The following FBXO10 variants were observed in gnomAD, a reference collection of about 807,000 sequenced individuals.
The protein encoded by FBXO10 is F-box protein 10.
In FBXO10, 39 loss-of-function variants were observed where a neutral mutation model predicts 80.7. The observed-to-expected ratio is 0.48, with a 90% confidence interval of 0.37 to 0.63. The LOEUF is 0.63. Ranked by LOEUF, FBXO10 falls within the 30% of genes least tolerant of loss-of-function variation. The probability of loss-of-function intolerance (pLI) is 0.00; values close to 1 mark genes in which losing one functional copy is unlikely to be tolerated. For synonymous variants in FBXO10, 449 were observed against 489.6 expected, an observed-to-expected ratio of 0.92 and a Z score of 1.09; for missense variants, 1,025 against 1,269.0, an observed-to-expected ratio of 0.81 and a Z score of 2.92.
intron 7 of FBXO10, chr9:37,522,229 C>T: frequency 1.8e-6 from 1 of 558,510 alleles, no homozygotes; most frequent in Non-Finnish European, 2.3e-6. Context: ...GGTTACCAGA[C>T]CTCTCTCTGT....
At chr9:37,560,870 C>A (rs893918058) in intron 1 of FBXO10, among the ~76,000 whole-genome samples, 1 of 152,068 alleles carries the variant, frequency 6.6e-6, no homozygotes, top group African/African-American at 2.4e-5. Flanking sequence ...TTGCTGGGCG[C>A]GGTGGCTCAT....
intron 1 of FBXO10, among the ~76,000 whole-genome samples, chr9:37,556,368 T>C (rs1192279093): frequency 6.6e-6 from 1 of 152,172 alleles, no homozygotes; most frequent in Non-Finnish European, 1.5e-5. Context: ...ATGGTCCATC[T>C]TGAGTTAATT....
intron 1 of FBXO10, among the ~76,000 whole-genome samples, chr9:37,559,815 G>T (rs1454045275): frequency 2.6e-5 from 4 of 152,018 alleles, no homozygotes; most frequent in African/African-American, 9.7e-5. Context: ...ATCCTTAAAT[G>T]ATTAGAGTAA....
chr9:37,551,799 C>T (rs1822204635), intron 1 of FBXO10, among the ~76,000 whole-genome samples: 1 of 152,176 alleles, frequency 6.6e-6, no homozygotes, highest in East Asian at 1.9e-4. Context: ...TTTTTCAAAT[C>T]TTTGTGTTCT....
At chr9:37,526,909 G>A (rs1312872028) in intron 5 of FBXO10, among the ~76,000 whole-genome samples, 1 of 151,686 alleles carries the variant, frequency 6.6e-6, no homozygotes, top group East Asian at 1.9e-4. Flanking sequence ...GGAGTGCAGT[G>A]GCACGATCTC....
In FBXO10 at chr9:37,515,952, T is replaced by G. The variant is rs1485449303; in HGVS notation, c.2648A>C (p.Asn883Thr). The change falls in exon 10 of 11, where the codon AAC (asparagine) becomes ACC (threonine). Residue 883 changes from asparagine (N) to threonine (T), a missense_variant. Asn to Thr is a moderately conservative substitution (Grantham distance 65, BLOSUM62 0). Coordinates refer to ENST00000432825, the MANE Select transcript of FBXO10 (RefSeq NM_012166.3). The part of the protein sequence containing the change: ...SKTIFQQISN[N>T]RECIMQNNKF... ...GTTGTTTTGCATGATGCATTCTCGG[T>G]TGTTTGAGATCTGCTGAAAGATGGT... 6.2e-6 allele frequency: 10 copies of G among 1,613,982 alleles called. No homozygotes were observed. The highest frequency in any genetic ancestry group is 8.5e-6 in the Non-Finnish European group (10 of 1,179,894).
At chr9:37,567,130 T>G (rs1822626875) in intron 1 of FBXO10, among the ~76,000 whole-genome samples, 1 of 148,596 alleles carries the variant, frequency 6.7e-6, no homozygotes, top group South Asian at 2.1e-4. Context: ...TTTACATGTC[T>G]TTTTTTTTTC....
intron 1 of FBXO10, among the ~76,000 whole-genome samples, chr9:37,553,555 T>A (rs559586537): frequency 6.6e-6 from 1 of 152,128 alleles, no homozygotes; most frequent in East Asian, 1.9e-4. Context: ...TTTAAGAAGT[T>A]GTCTTTAAAA....
At chr9:37,566,913 G>C (rs767498814) in intron 1 of FBXO10, among the ~76,000 whole-genome samples, 1 of 152,122 alleles carries the variant, frequency 6.6e-6, no homozygotes, top group Admixed American at 6.5e-5. Context: ...TGTTCTGATG[G>C]TGCTTTCTGA....
At position 37,550,169 on chromosome 9, in the gene FBXO10, G is replaced by GTTTTTTTTTTT. The variant is rs74171511; in HGVS notation, c.-6-8406_-6-8396dup. ...CAGTTTTCTTTTTTTGTCGTCTCAG[G>GTTTTTTTTTTT]TTTTTTTTTTTTTTTTTTTTTTTTT... On this transcript the variant is annotated intron_variant, in intron 1 of 10. Coordinates refer to ENST00000432825, the MANE Select transcript of FBXO10 (RefSeq NM_012166.3). Among the ~76,000 whole-genome samples, 126 of 67,992 alleles carry GTTTTTTTTTTT rather than the reference G, an allele frequency of 1.9e-3. 27 individuals carry two copies. Among genetic ancestry groups the GTTTTTTTTTTT allele is most frequent in the East Asian group, 6.9e-3 (9 of 1,310 alleles). The allele number at this position is 67,992 out of a possible 152,430, so 44.6% of individuals were successfully genotyped here.
rs1022071236 is a variant in FBXO10 at position 37,519,126 on chromosome 9, G to A, written c.2201-688C>T. The stretch of plus-strand genomic sequence containing the variant: ...TGGTTTCACCGTGTTAGCCAGGATG[G>A]TCTCGATCTCCTGACCTCGTGATCC... On this transcript the variant is annotated intron_variant, in intron 8 of 10. Transcript: ENST00000432825. 3.7e-4 allele frequency among the ~76,000 whole-genome samples: 57 copies of A among 152,190 alleles called. 1 individual carries two copies. Among genetic ancestry groups the A allele is most frequent in the African/African-American group, 1.3e-3 (55 of 41,522 alleles).
chr9:37,556,670 A>G (rs1426403860), intron 1 of FBXO10, among the ~76,000 whole-genome samples: 2 of 150,868 alleles, frequency 1.3e-5, no homozygotes, highest in African/African-American at 2.4e-5. Flanking sequence ...CAGCCTCCCA[A>G]GTAGCTGGGA....
At chr9:37,552,553 ATGG>A (rs1235921409) in intron 1 of FBXO10, among the ~76,000 whole-genome samples, 2 of 152,126 alleles carry the variant, frequency 1.3e-5, no homozygotes, top group East Asian at 3.9e-4. Context: ...TTAGCCGGGC[ATGG>A]TGGTGGGCGC....
At position 37,541,594 on chromosome 9, in the gene FBXO10, T is replaced by G; in HGVS notation, c.175A>C (p.Asn59His). 6.2e-7 allele frequency: 1 copy of G among 1,613,780 alleles called. No individual in the cohort carries two copies. Among genetic ancestry groups the G allele is most frequent in the African/African-American group, 1.3e-5 (1 of 75,042 alleles). ...TCCACATCTGGCTGGTTGGGCCAAT[T>G]GGGATGGCGGCACTCGGTGCAACCC... ...CLGCTECRHP[N>H]WPNQPDVEPE... The change falls in exon 2 of 11, where the codon AAT becomes CAT. Residue 59 changes from asparagine to histidine, a missense_variant. Transcript: ENST00000432825.
At position 37,518,120 on chromosome 9, in the gene FBXO10, C is replaced by T. The variant is rs1351405712; in HGVS notation, c.2514+5G>A. The T allele has an allele frequency of 6.2e-7, 1 of 1,608,204 alleles. No individual in the cohort carries two copies. Among genetic ancestry groups the T allele is most frequent in the African/African-American group, 1.3e-5 (1 of 74,806 alleles). On this transcript the variant is annotated splice_donor_5th_base_variant and intron_variant, in intron 9 of 10. Transcript: ENST00000432825. ...CACACGTCACACACATGCAGACATA[C>T]TCACTTTAGTGTCGGACCTGGGCAG...
intron 10 of FBXO10, among the ~76,000 whole-genome samples, chr9:37,514,236 GC>G (rs1006042922): frequency 2.0e-5 from 3 of 152,212 alleles, no homozygotes; most frequent in Non-Finnish European, 2.9e-5. Context: ...GAGTTTGGCA[GC>G]AGGGGAGCAC....
chr9:37,523,916 C>T (rs1046156350), intron 6 of FBXO10, among the ~76,000 whole-genome samples: 2 of 152,046 alleles, frequency 1.3e-5, no homozygotes, highest in Non-Finnish European at 2.9e-5. Context: ...AGTGAAATTC[C>T]GTCTCAAAAA....
intron 5 of FBXO10, among the ~76,000 whole-genome samples, chr9:37,526,829 A>C (rs1424760585): frequency 2.5e-5 from 2 of 81,580 alleles, no homozygotes; most frequent in Non-Finnish European, 4.8e-5. Flanking sequence ...TATTTTATTT[A>C]TTTATTTATT....
chr9:37,571,143 C>T (rs1014148514), intron 1 of FBXO10, among the ~76,000 whole-genome samples: 2 of 151,992 alleles, frequency 1.3e-5, no homozygotes, highest in Non-Finnish European at 2.9e-5. Context: ...AATAAGATTG[C>T]AAAGAAAACA....
Sources: allele counts gnomAD v4.1 joint callset (sites outside exome capture counted in the v4.1 genomes callset), GRCh38; gene constraint gnomAD v4.1.1; transcripts MANE v1.5; gene names NCBI Gene and HGNC (gene_info 2026-07-23, HGNC 2026-07-21).